The following TEAD4 variants were observed in gnomAD, a reference collection of about 807,000 sequenced individuals.
The protein encoded by TEAD4 is transcriptional enhancer factor TEF-3.
TEAD4 carries 36 observed loss-of-function variants against 52.4 expected under a neutral mutation model. That is an observed-to-expected ratio of 0.69 (90% CI 0.53 to 0.91). The LOEUF is 0.91. Among genes scored for constraint, TEAD4 ranks in the 40% least tolerant of loss-of-function variants. The pLI, the probability that TEAD4 is intolerant of heterozygous loss-of-function variation, is 0.00. For missense variants in TEAD4, 508 were observed against 583.9 expected (o/e 0.87, Z 1.34); for synonymous variants, 220 against 231.0 (o/e 0.95, Z 0.43).
chr12:3,017,156 G>A, intron 5 of TEAD4: 1 of 668,424 alleles, frequency 1.5e-6, no homozygotes, highest in South Asian at 1.5e-5. Flanking sequence ...GTCTCTGTAA[G>A]CTCTGATGAA....
At chr12:2,990,027 T>C (rs2098241765) in intron 2 of TEAD4, among the ~76,000 whole-genome samples, 1 of 152,252 alleles carries the variant, frequency 6.6e-6, no homozygotes, top group Non-Finnish European at 1.5e-5. Flanking sequence ...TGCCTTATTC[T>C]GTTCTCCTTG....
At chr12:3,013,027 C>G (rs1250735582) in intron 5 of TEAD4, among the ~76,000 whole-genome samples, 2 of 152,224 alleles carry the variant, frequency 1.3e-5, no homozygotes, top group African/African-American at 4.8e-5. Flanking sequence ...TCATAGCTCA[C>G]TGCAGCCTCG....
intron 2 of TEAD4, among the ~76,000 whole-genome samples, chr12:2,966,009 C>T (rs1321881223): frequency 1.3e-5 from 2 of 152,036 alleles, no homozygotes; most frequent in African/African-American, 4.8e-5. Flanking sequence ...TGCAGGTGTA[C>T]ACGGTTGCAC....
chr12:3,020,552 G>A (rs2098267952), intron 8 of TEAD4, 82 bp from the exon 9 acceptor site: 34 of 1,418,912 alleles, frequency 2.4e-5, no homozygotes, highest in Non-Finnish European at 3.1e-5. Context: ...GTCTGTCCGA[G>A]GAGGCCTGGG....
At position 2,994,717 on chromosome 12, in the gene TEAD4, C is replaced by T. The variant is rs760885856; in HGVS notation, c.-29-21C>T. The T allele has an allele frequency of 1.3e-6, 2 of 1,544,304 alleles. No individual in the cohort carries two copies. The highest frequency in any genetic ancestry group is 1.3e-5 in the South Asian group (1 of 79,892). ...GCAGTTCTTCCACTGCTCACCGGGG[C>T]TGTGGTTCCTGTCCCCACAGGTCCA... On this transcript the variant is annotated intron_variant, in intron 2 of 12. Transcript: ENST00000359864. This position sits in a 1 kb window ranked among gnomAD's most constrained non-coding sequence, Gnocchi z 4.7.
intron 10 of TEAD4, among the ~76,000 whole-genome samples, chr12:3,034,675 G>A (rs997496372): frequency 6.6e-6 from 1 of 152,214 alleles, no homozygotes; most frequent in Non-Finnish European, 1.5e-5. Context: ...GCTCATTCTT[G>A]TAATCCCCCC....
chr12:2,962,286 T>A (rs1265255542), intron 2 of TEAD4, among the ~76,000 whole-genome samples: 16 of 59,908 alleles, frequency 2.7e-4, no homozygotes, highest in Admixed American at 7.5e-4. Flanking sequence ...TTATATATAT[T>A]TATTTATATA....
chr12:3,029,676 T>C (rs910162440), intron 10 of TEAD4, among the ~76,000 whole-genome samples: 4 of 152,180 alleles, frequency 2.6e-5, no homozygotes, highest in Admixed American at 6.5e-5. Flanking sequence ...CCACTGTGCC[T>C]GGCCCCTTTT....
At chr12:3,012,468 C>T (rs928270357) in intron 5 of TEAD4, among the ~76,000 whole-genome samples, 1 of 152,174 alleles carries the variant, frequency 6.6e-6, no homozygotes, top group Non-Finnish European at 1.5e-5. Context: ...TGGGATCCCC[C>T]CTTGCTGGCT....
At chr12:2,979,934 T>C (rs1245497135) in intron 2 of TEAD4, among the ~76,000 whole-genome samples, 1 of 152,158 alleles carries the variant, frequency 6.6e-6, no homozygotes, top group Admixed American at 6.5e-5. Flanking sequence ...GCTGAGTTGT[T>C]AGGCATGAGA....
chr12:3,026,064 T>A (rs1229247940), intron 10 of TEAD4, among the ~76,000 whole-genome samples: 1 of 152,228 alleles, frequency 6.6e-6, no homozygotes, highest in Non-Finnish European at 1.5e-5. Flanking sequence ...TAGGCACTTT[T>A]AACTGTGAGA....
At chr12:2,997,043 G>A (rs1053704797) in intron 3 of TEAD4, among the ~76,000 whole-genome samples, 1 of 152,180 alleles carries the variant, frequency 6.6e-6, no homozygotes, top group African/African-American at 2.4e-5. Context: ...TAAATGTCTG[G>A]AGGGTAGGTA....
At chr12:3,011,801 A>G (rs2098260583) in intron 4 of TEAD4, among the ~76,000 whole-genome samples, 2 of 151,996 alleles carry the variant, frequency 1.3e-5, no homozygotes. Context: ...GAGTAGCTGG[A>G]ATTACAGGCA....
intron 2 of TEAD4, among the ~76,000 whole-genome samples, chr12:2,968,512 C>T (rs61916417): frequency 0.17 from 25,425 of 151,208 alleles, 2,726 homozygotes; most frequent in Non-Finnish European, 0.25. Flanking sequence ...ATCCTCCCAC[C>T]TCAGCTTTCT....
rs190550945 is a variant in TEAD4 at position 2,966,738 on chromosome 12, G to A, written c.-30+6698G>A. ...TTTCTTTTTTTTGAGATGGAGTCTCGCCCTATTGCCTAGGCCGGAGTACAG... is the reference window on the plus strand; with the variant it reads ...TTTCTTTTTTTTGAGATGGAGTCTCACCCTATTGCCTAGGCCGGAGTACAG... On this transcript the variant is annotated intron_variant, in intron 2 of 12. Transcript: ENST00000359864. Among the ~76,000 whole-genome samples the A allele has an allele frequency of 1.0e-3, 156 of 148,860 alleles. 1 individual carries two copies. Among genetic ancestry groups the A allele is most frequent in the Non-Finnish European group, 1.2e-3 (78 of 67,384 alleles).
At chr12:3,006,506 C>T (rs1351308377) in intron 3 of TEAD4, among the ~76,000 whole-genome samples, 1 of 151,946 alleles carries the variant, frequency 6.6e-6, no homozygotes, top group East Asian at 1.9e-4. Flanking sequence ...CCAGCCTGAC[C>T]AACATGGAGA....
chr12:2,983,403 C>T (rs1743456138), intron 2 of TEAD4, among the ~76,000 whole-genome samples: 1 of 152,156 alleles, frequency 6.6e-6, no homozygotes. Context: ...CAAGGTACTT[C>T]TAGAGGCCAC....
chr12:2,966,664 A>G (rs761628192), intron 2 of TEAD4, among the ~76,000 whole-genome samples: 45 of 149,682 alleles, frequency 3.0e-4, no homozygotes, highest in Non-Finnish European at 6.2e-4. Flanking sequence ...GCCCGCCTTG[A>G]CCTCCCAGAG....
chr12:2,991,737 T>A lies in TEAD4; in HGVS notation c.-29-3001T>A, dbSNP rs376885550. The stretch of plus-strand genomic sequence containing the variant: ...GTTCAGGATAGAATCAAGACCAGAA[T>A]TTCTGATGAGAATAAGCTAGTTTAT... On this transcript the variant is annotated intron_variant, in intron 2 of 12. Transcript: ENST00000359864. Among the ~76,000 whole-genome samples, 7 of 152,246 alleles carry A rather than the reference T, an allele frequency of 4.6e-5. No homozygotes were observed. The East Asian group carries it at 7.7e-4, about 17-fold the overall frequency.
Sources: allele counts gnomAD v4.1 joint callset (sites outside exome capture counted in the v4.1 genomes callset), GRCh38; gene constraint gnomAD v4.1.1; non-coding constraint Gnocchi (gnomAD v3.1); transcripts MANE v1.5; gene names NCBI Gene and HGNC (gene_info 2026-07-23, HGNC 2026-07-21).